Variants in CRADD observed in about 807,000 individuals in gnomAD.
The protein encoded by CRADD is CARD and death domain containing adaptor protein.
In CRADD, 9 loss-of-function variants were observed where a neutral mutation model predicts 15.5. The ratio of observed to expected loss-of-function variants is 0.58; its 90% confidence interval spans 0.35 to 1.01. The LOEUF (loss-of-function observed/expected upper bound fraction) is 1.01. Ranked by LOEUF, CRADD falls within the 50% of genes least tolerant of loss-of-function variation. CRADD has a pLI of 0.02. For missense variants in CRADD, 227 were observed against 250.3 expected, an observed-to-expected ratio of 0.91 and a Z score of 0.63; for synonymous variants, 118 against 107.6, an observed-to-expected ratio of 1.10 and a Z score of -0.60.
intron 2 of CRADD, among the ~76,000 whole-genome samples, chr12:93,847,018 G>T (rs1323974813): frequency 6.6e-6 from 1 of 152,164 alleles, no homozygotes; most frequent in African/African-American, 2.4e-5. Context: ...CAGAAGAATG[G>T]CATGAACCCA....
chr12:93,728,696 C>T (rs1023224766), intron 2 of CRADD, among the ~76,000 whole-genome samples: 1 of 152,234 alleles, frequency 6.6e-6, no homozygotes, highest in African/African-American at 2.4e-5. Flanking sequence ...GATACCAAAA[C>T]TTGACAAAGG....
intron 2 of CRADD, among the ~76,000 whole-genome samples, chr12:93,781,136 A>G (rs1188487416): frequency 6.6e-6 from 1 of 152,082 alleles, no homozygotes; most frequent in Non-Finnish European, 1.5e-5. Flanking sequence ...TCATGTCAGA[A>G]TGATTCAGAA....
intron 2 of CRADD, among the ~76,000 whole-genome samples, chr12:93,690,405 G>T (rs1317879022): frequency 6.6e-6 from 1 of 152,218 alleles, no homozygotes; most frequent in African/African-American, 2.4e-5. Context: ...ATACAGCAAG[G>T]CCCAGGTTGA....
intron 2 of CRADD, among the ~76,000 whole-genome samples, chr12:93,859,723 GTC>G (rs1264671584): frequency 6.6e-6 from 1 of 151,614 alleles, no homozygotes; most frequent in African/African-American, 2.4e-5. Context: ...AGATTTCTTT[GTC>G]TCTCTCTTTT....
intron 2 of CRADD, among the ~76,000 whole-genome samples, chr12:93,808,008 A>G (rs1593006872): frequency 7.4e-6 from 1 of 135,286 alleles, no homozygotes; most frequent in Non-Finnish European, 1.6e-5. Context: ...AAAAGTATAG[A>G]GCAGGCTAAG....
intron 2 of CRADD, among the ~76,000 whole-genome samples, chr12:93,875,763 A>T (rs1230168971): frequency 1.3e-5 from 2 of 152,042 alleles, no homozygotes; most frequent in East Asian, 3.8e-4. Flanking sequence ...TATTGTACTG[A>T]TGATGTCTTG....
downstream of CRADD, among the ~76,000 whole-genome samples, chr12:93,853,018 T>C (rs1032041674): frequency 2.7e-4 from 41 of 152,178 alleles, no homozygotes; most frequent in African/African-American, 9.4e-4. Context: ...ATCTAAGCAC[T>C]GTACATCCCA....
chr12:93,829,955 G>A (rs1319763808), intron 2 of CRADD, among the ~76,000 whole-genome samples: 2 of 152,110 alleles, frequency 1.3e-5, no homozygotes, highest in African/African-American at 2.4e-5. Flanking sequence ...GCCTCCCAAA[G>A]TGCTAGGATT....
intron 2 of CRADD, among the ~76,000 whole-genome samples, chr12:93,772,582 A>G (rs1457146520): frequency 6.6e-6 from 1 of 152,224 alleles, no homozygotes; most frequent in Non-Finnish European, 1.5e-5. Flanking sequence ...TGCTTTTTCA[A>G]TTAGCATTTA....
At chr12:93,873,147 G>A (rs773244497) in intron 2 of CRADD, among the ~76,000 whole-genome samples, 9 of 151,508 alleles carry the variant, frequency 5.9e-5, no homozygotes, top group Non-Finnish European at 7.4e-5. Context: ...TTAATTTCTG[G>A]GTGTTTAATT....
At chr12:93,697,266 A>G (rs527401490) in intron 2 of CRADD, among the ~76,000 whole-genome samples, 2 of 152,336 alleles carry the variant, frequency 1.3e-5, no homozygotes, top group African/African-American at 2.4e-5. Context: ...CCTCATGAAT[A>G]GATTAGTGCC....
chr12:93,715,961 G>A (rs963794614), intron 2 of CRADD, among the ~76,000 whole-genome samples: 14 of 151,902 alleles, frequency 9.2e-5, no homozygotes, highest in African/African-American at 3.4e-4. Flanking sequence ...GGCCAACATG[G>A]TGAAATACAA....
At chr12:93,891,090 C>G (rs1245646975) in intron 2 of CRADD, among the ~76,000 whole-genome samples, 2 of 152,118 alleles carry the variant, frequency 1.3e-5, no homozygotes, top group Admixed American at 1.3e-4. Flanking sequence ...TCTCATGTCT[C>G]TGTAAAATGT....
intron 2 of CRADD, among the ~76,000 whole-genome samples, chr12:93,868,247 G>A (rs1324922833): frequency 6.6e-6 from 1 of 152,096 alleles, no homozygotes; most frequent in Non-Finnish European, 1.5e-5. Flanking sequence ...CAACCAAAAT[G>A]TTCATTATAG....
chr12:93,728,267 G>A (rs1956404074), intron 2 of CRADD, among the ~76,000 whole-genome samples: 1 of 152,174 alleles, frequency 6.6e-6, no homozygotes, highest in South Asian at 2.1e-4. Context: ...TGGTAGCACA[G>A]GCATGAATAG....
At chr12:93,807,811 A>G (rs758050596) in intron 2 of CRADD, among the ~76,000 whole-genome samples, 10 of 151,888 alleles carry the variant, frequency 6.6e-5, no homozygotes, top group Non-Finnish European at 1.3e-4. Context: ...TCAGTCAGCA[A>G]GTATTTATCG....
At chr12:93,848,188 G>A (rs993771289) in intron 2 of CRADD, among the ~76,000 whole-genome samples, 6 of 151,828 alleles carry the variant, frequency 4.0e-5, no homozygotes, top group African/African-American at 7.3e-5. Context: ...TATACAAGCC[G>A]TAAAATCATT....
intron 2 of CRADD, among the ~76,000 whole-genome samples, chr12:93,839,124 C>G (rs1306816349): frequency 6.6e-6 from 1 of 152,142 alleles, no homozygotes; most frequent in Non-Finnish European, 1.5e-5. Flanking sequence ...CTTTTCCTTA[C>G]ATTTTTTGCT....
At chr12:93,849,090 T>G (rs376018514) in intron 2 of CRADD, 1 of 152,212 alleles carries the variant, frequency 6.6e-6, no homozygotes, top group African/African-American at 2.4e-5. Flanking sequence ...ACACGTTTTC[T>G]CGGTAATATT....
Sources: allele counts gnomAD v4.1 joint callset (sites outside exome capture counted in the v4.1 genomes callset), GRCh38; gene constraint gnomAD v4.1.1; transcripts MANE v1.5; gene names NCBI Gene and HGNC (gene_info 2026-07-23, HGNC 2026-07-21).